The following NECAB2 variants were observed in gnomAD, a reference collection of about 807,000 sequenced individuals.
NECAB2 encodes the protein N-terminal EF-hand calcium binding protein 2.
NECAB2 carries 68 observed loss-of-function variants against 51.9 expected under a neutral mutation model. The observed-to-expected ratio is 1.31, with a 90% CI of 1.08 to 1.60. The LOEUF (loss-of-function observed/expected upper bound fraction) is 1.60. Among genes scored for constraint, NECAB2 ranks in the 40% most tolerant of loss-of-function variants. The pLI, the probability that NECAB2 is intolerant of heterozygous loss-of-function variation, is 0.00. For synonymous variants in NECAB2, 329 were observed against 203.5 expected (o/e 1.62, Z -5.25); for missense variants, 854 against 490.3 (o/e 1.74, Z -7.00).
At chr16:83,975,957 A>G (rs1396576178) in intron 2 of NECAB2, among the ~76,000 whole-genome samples, 3 of 152,126 alleles carry the variant, frequency 2.0e-5, no homozygotes, top group Non-Finnish European at 1.5e-5. Context: ...GGCGTTCAGG[A>G]TAAATGTCAG....
intron 3 of NECAB2, among the ~76,000 whole-genome samples, chr16:83,979,927 A>G (rs1240927980): frequency 1.3e-5 from 2 of 152,218 alleles, no homozygotes; most frequent in Non-Finnish European, 2.9e-5. Flanking sequence ...TTTGTGAAAC[A>G]TGAATTAAAG....
intron 10 of NECAB2, among the ~76,000 whole-genome samples, chr16:83,999,110 G>T (rs1301085446): frequency 2.0e-5 from 3 of 152,200 alleles, no homozygotes; most frequent in Non-Finnish European, 4.4e-5. Flanking sequence ...CTAGCACAGG[G>T]TCTTTGAGAG....
chr16:83,989,670 G>A (rs1265533053), intron 5 of NECAB2, among the ~76,000 whole-genome samples: 1 of 152,100 alleles, frequency 6.6e-6, no homozygotes, highest in African/African-American at 2.4e-5. Context: ...AGCGACGTGG[G>A]TAAGCAGAGC....
chr16:83,998,412 A>C (rs1383120050), intron 10 of NECAB2, 95 bp downstream of exon 10: 2 of 1,165,806 alleles, frequency 1.7e-6, no homozygotes, highest in African/African-American at 3.0e-5. Flanking sequence ...CCTAAGTAGT[A>C]CAAGTTGCAC....
chr16:84,000,608 A>C, intron 10 of NECAB2, 116 bp from the exon 11 acceptor site: 1 of 746,850 alleles, frequency 1.3e-6, no homozygotes, highest in Non-Finnish European at 2.3e-6. Flanking sequence ...GACAGGAAGA[A>C]ACATTGAAGG....
At chr16:83,999,169 G>C (rs1205050110) in intron 10 of NECAB2, among the ~76,000 whole-genome samples, 1 of 152,184 alleles carries the variant, frequency 6.6e-6, no homozygotes, top group African/African-American at 2.4e-5. Flanking sequence ...ACAACAGCCT[G>C]ACCTGTAGCA....
At chr16:83,989,379 G>A (rs554377870) in intron 5 of NECAB2, among the ~76,000 whole-genome samples, 1 of 152,282 alleles carries the variant, frequency 6.6e-6, no homozygotes, top group African/African-American at 2.4e-5. Flanking sequence ...CTTCTCATGT[G>A]CCCCTCCTCC....
chr16:83,971,208 C>A (rs1430888678), intron 1 of NECAB2, among the ~76,000 whole-genome samples: 1 of 152,182 alleles, frequency 6.6e-6, no homozygotes, highest in Non-Finnish European at 1.5e-5. Context: ...CAAACAAGCT[C>A]CTGCAGGACC....
chr16:83,983,428 C>A (rs142603432), intron 5 of NECAB2, among the ~76,000 whole-genome samples: 1 of 152,120 alleles, frequency 6.6e-6, no homozygotes, highest in African/African-American at 2.4e-5. Flanking sequence ...GAGTGCATCT[C>A]TAGTACTTCT....
intron 11 of NECAB2, 41 bp from the exon 12 acceptor site, chr16:84,001,784 A>G (rs1567682222): frequency 6.2e-7 from 1 of 1,606,170 alleles, no homozygotes; most frequent in Non-Finnish European, 8.5e-7. Context: ...GCGGAGCTCC[A>G]CTCCTGCCAC....
At chr16:83,992,377 T>TC (rs60014664) in intron 6 of NECAB2, among the ~76,000 whole-genome samples, 3,139 of 133,060 alleles carry the variant, frequency 0.024, 152 homozygotes, top group African/African-American at 0.067. Context: ...CGAGCACCCG[T>TC]CCCCCCGCCC....
intron 5 of NECAB2, among the ~76,000 whole-genome samples, chr16:83,988,580 G>A (rs1385687395): frequency 6.6e-6 from 1 of 152,116 alleles, no homozygotes; most frequent in African/African-American, 2.4e-5. Context: ...AGTGATCGCT[G>A]TTAGTTCTTG....
chr16:83,972,460 G>T (rs2084360228), intron 2 of NECAB2, among the ~76,000 whole-genome samples: 1 of 152,220 alleles, frequency 6.6e-6, no homozygotes, highest in South Asian at 2.1e-4. Context: ...TAAGGGCTGG[G>T]TGTACTTTAG....
intron 5 of NECAB2, among the ~76,000 whole-genome samples, chr16:83,987,185 C>T (rs766617909): frequency 1.4e-4 from 22 of 152,168 alleles, no homozygotes; most frequent in Non-Finnish European, 2.4e-4. Flanking sequence ...AAATAGTAAA[C>T]TTAGAAAAAC....
chr16:83,988,425 C>G (rs1038870657), intron 5 of NECAB2, among the ~76,000 whole-genome samples: 1 of 152,180 alleles, frequency 6.6e-6, no homozygotes, highest in Non-Finnish European at 1.5e-5. Flanking sequence ...AACACTTTCT[C>G]TTCCCTTTGG....
At chr16:83,993,221 C>G (rs1473417576) in intron 6 of NECAB2, among the ~76,000 whole-genome samples, 1 of 152,182 alleles carries the variant, frequency 6.6e-6, no homozygotes, top group African/African-American at 2.4e-5. Context: ...CTGGCTCAGA[C>G]CCCACCACCC....
In NECAB2 at chr16:83,990,607, C is replaced by G. The variant is rs766507453; in HGVS notation, c.573C>G (p.Ile191Met). 4 of 1,613,890 alleles carry G rather than the reference C, an allele frequency of 2.5e-6. No homozygotes were observed. Among genetic ancestry groups the G allele is most frequent in the Admixed American group, 1.7e-5 (1 of 59,996 alleles). ...CAGTGGAGAGTGCGGTGGAGGCCAT[C>G]GAGGAACAGACCAGCCAGCTCCGGT... ...LSSVESAVEAIEEQTSQLRQN... is the reference protein window; with the variant it reads ...LSSVESAVEAMEEQTSQLRQN... The change falls in exon 6 of 13, where the codon ATC becomes ATG. Residue 191 changes from isoleucine (I) to methionine (M), a missense_variant. By Grantham distance (10) the Ile-to-Met change is conservative (BLOSUM62 1). Coordinates refer to ENST00000305202, the MANE Select transcript of NECAB2 (RefSeq NM_019065.3).
intron 8 of NECAB2, among the ~76,000 whole-genome samples, chr16:83,995,375 C>T (rs543895620): frequency 2.0e-5 from 3 of 149,722 alleles, no homozygotes; most frequent in Admixed American, 2.0e-4. Flanking sequence ...GGCTTAGATT[C>T]CTCCTCTGAT....
At chr16:84,001,162 T>G (rs1348828832) in intron 11 of NECAB2, among the ~76,000 whole-genome samples, 1 of 152,098 alleles carries the variant, frequency 6.6e-6, no homozygotes, top group Non-Finnish European at 1.5e-5. Context: ...ATGTGATCAA[T>G]TGTTCCAGCG....
Sources: gnomAD v4.1 joint callset for allele counts (sites outside exome capture counted in the v4.1 genomes callset) on GRCh38, gnomAD v4.1.1 for gene constraint, MANE v1.5 for transcripts, NCBI Gene and HGNC (gene_info 2026-07-23, HGNC 2026-07-21) for gene names.